Variants in SLC31A2 observed in about 807,000 individuals in gnomAD.
SLC31A2 encodes solute carrier family 31 member 2.
Under a neutral mutation model 14.4 loss-of-function variants are expected in SLC31A2, and 16 were observed. That is an observed-to-expected ratio of 1.11 (90% confidence interval 0.75 to 1.69). SLC31A2 has a LOEUF of 1.69. Ranked by LOEUF, SLC31A2 falls within the 40% of genes most tolerant of loss-of-function variation. SLC31A2 has a pLI of 0.00. For missense variants in SLC31A2, 140 were observed against 173.9 expected, an observed-to-expected ratio of 0.81 and a Z score of 1.10; for synonymous variants, 56 against 68.7, an observed-to-expected ratio of 0.82 and a Z score of 0.91.
rs556300651 is a variant in SLC31A2 at position 113,161,640 on chromosome 9, G to A, written c.205G>A (p.Glu69Lys). The A allele has an allele frequency of 5.3e-5, 86 of 1,614,050 alleles. No individual in the cohort carries two copies. In the African/African-American group the frequency reaches 1.1e-3, roughly 21 times the overall value. ...PTSISQQTIA[E>K]TDGDSAGSDS... is the part of the protein sequence containing the mutation. ...CTCCATCAGCCAGCAGACCATCGCA[G>A]AGACAGACGGGGACTCTGCAGGCTC... The change falls in exon 3 of 4, where the codon GAG becomes AAG. Residue 69 changes from glutamate (E) to lysine (K), a missense_variant. By Grantham distance (56) the Glu-to-Lys change is moderately conservative. Coordinates refer to ENST00000259392, the MANE Select transcript of SLC31A2 (RefSeq NM_001860.3).
chr9:113,162,572 G>GT lies in SLC31A2; in HGVS notation c.264-171dup, dbSNP rs528723139. ...ATGTCTCTTTAAAAATAAATCTCGA[G>GT]TTTTTTCTGGGGGCGGGGGTGGGAG... On this transcript the variant is annotated intron_variant, in intron 3 of 3. Transcript: ENST00000259392. 774 of 457,736 alleles carry GT rather than the reference G, an allele frequency of 1.7e-3. 7 individuals are homozygous for GT. In the African/African-American group the frequency reaches 0.021, roughly 12 times the overall value. The allele number at this position is 457,736 out of a possible 1,614,324, so 28.4% of individuals were successfully genotyped here.
intron 1 of SLC31A2, among the ~76,000 whole-genome samples, chr9:113,155,627 T>C (rs1829923403): frequency 6.6e-6 from 1 of 152,212 alleles, no homozygotes; most frequent in Non-Finnish European, 1.5e-5. Context: ...CTTCTGGCAG[T>C]GCAGAAAGCT....
At chr9:113,153,122 T>TTTG (rs1353755395) in intron 1 of SLC31A2, among the ~76,000 whole-genome samples, 1 of 151,720 alleles carries the variant, frequency 6.6e-6, no homozygotes, top group Non-Finnish European at 1.5e-5. Context: ...TCAAAATGTT[T>TTTG]TTTTTTTTTT....
intron 1 of SLC31A2, among the ~76,000 whole-genome samples, chr9:113,155,526 A>T (rs938218886): frequency 1.3e-5 from 2 of 152,246 alleles, no homozygotes; most frequent in African/African-American, 2.4e-5. Context: ...GGTTGCTCTA[A>T]ATTAGCACTT....
In SLC31A2 at chr9:113,151,335, G is replaced by C. The variant is rs1475545726; in HGVS notation, c.6+255G>C. On this transcript the variant is annotated intron_variant, in intron 1 of 3. Transcript: ENST00000259392. The surrounding 1 kb of genome is among the most constrained non-coding windows in gnomAD (Gnocchi z 4.2). ...AGGCGAGCAGTTACCGAGCGCCCGC[G>C]GTGGCGCGGCTTGAGAGTGGGGGCG... Among the ~76,000 whole-genome samples the C allele has an allele frequency of 6.6e-6, 1 of 152,108 alleles. No individual in the cohort carries two copies. The highest frequency in any genetic ancestry group is 2.1e-4 in the South Asian group (1 of 4,830).
At chr9:113,153,179 T>A (rs1272766517) in intron 1 of SLC31A2, among the ~76,000 whole-genome samples, 1 of 151,594 alleles carries the variant, frequency 6.6e-6, no homozygotes, top group Non-Finnish European at 1.5e-5. Context: ...CTCAAAATGA[T>A]TTTTTACTTT....
intron 1 of SLC31A2, among the ~76,000 whole-genome samples, chr9:113,154,659 T>C (rs1176829846): frequency 6.6e-6 from 1 of 152,170 alleles, no homozygotes; most frequent in Non-Finnish European, 1.5e-5. Context: ...GAGCTCATGA[T>C]TGGCCTGTGG....
intron 1 of SLC31A2, chr9:113,156,145 C>T (rs746869083): frequency 1.2e-5 from 6 of 517,948 alleles, no homozygotes; most frequent in Admixed American, 1.9e-5. Context: ...CCCACACTGA[C>T]GTTTGCCTCC....
intron 1 of SLC31A2, among the ~76,000 whole-genome samples, chr9:113,155,554 G>T (rs1158161459): frequency 6.6e-6 from 1 of 152,212 alleles, no homozygotes; most frequent in Non-Finnish European, 1.5e-5. Flanking sequence ...GATAGTCTAT[G>T]AGATTCTTTC....
Position 113,159,555 on chromosome 9 carries a change from A to G in SLC31A2, c.73+1762A>G, listed in dbSNP as rs547929036. ...TGATTTCCTCCTGGGAGCCTGTGGG[A>G]AAAAAAACCCAACTTTTTCCTTTTC... On this transcript the variant is annotated intron_variant, in intron 2 of 3. Coordinates refer to ENST00000259392, the MANE Select transcript of SLC31A2 (RefSeq NM_001860.3). Among the ~76,000 whole-genome samples the G allele has an allele frequency of 1.4e-4, 21 of 151,936 alleles. No homozygotes were observed. In the East Asian group the frequency reaches 2.3e-3, roughly 17 times the overall value.
chr9:113,155,586 A>T (rs565502126), intron 1 of SLC31A2, among the ~76,000 whole-genome samples: 59 of 152,332 alleles, frequency 3.9e-4, no homozygotes, highest in African/African-American at 1.3e-3. Context: ...TCAGCAAGAG[A>T]AAAAGGGGAG....
intron 1 of SLC31A2, among the ~76,000 whole-genome samples, chr9:113,153,320 T>C (rs1029845831): frequency 6.6e-6 from 1 of 152,176 alleles, no homozygotes; most frequent in African/African-American, 2.4e-5. Context: ...TGTTGTGATG[T>C]GACCGCCTAG....
chr9:113,162,599 G>T lies in SLC31A2; in HGVS notation c.264-150G>T, dbSNP rs149524919. 9.3e-5 allele frequency: 59 copies of T among 633,754 alleles called. No individual in the cohort carries two copies. In the African/African-American group the frequency reaches 1.1e-3, roughly 11 times the overall value. 39.3% of individuals were successfully genotyped at this position (633,754 alleles called of 1,614,324 possible). A position where few individuals can be genotyped will look rare whatever the true frequency, so the allele number is the denominator to read the frequency against. ...TTTTTCTGGGGGCGGGGGTGGGAGG[G>T]GCAGAAAGAAATCACTCCTGGGTTA... On this transcript the variant is annotated intron_variant, in intron 3 of 3. Coordinates refer to ENST00000259392, the MANE Select transcript of SLC31A2 (RefSeq NM_001860.3).
Sources: gnomAD v4.1 joint callset for allele counts (sites outside exome capture counted in the v4.1 genomes callset) on GRCh38, gnomAD v4.1.1 for gene constraint, Gnocchi (gnomAD v3.1) non-coding constraint, MANE v1.5 for transcripts, NCBI Gene and HGNC (gene_info 2026-07-23, HGNC 2026-07-21) for gene names.